The following ROR1 variants were observed in gnomAD, a reference collection of about 807,000 sequenced individuals.
ROR1 encodes the protein inactive tyrosine-protein kinase transmembrane receptor ROR1.
A neutral mutation model predicts 78.8 loss-of-function variants in ROR1; 19 were observed. The ratio of observed to expected loss-of-function variants is 0.24; its 90% CI spans 0.17 to 0.35. The LOEUF (loss-of-function observed/expected upper bound fraction) is 0.35, where lower values mean the gene tolerates loss of function less well. ROR1 is among the 10% of genes least tolerant of loss of function. The probability of loss-of-function intolerance (pLI) is 1.00; values close to 1 mark genes in which losing one functional copy is unlikely to be tolerated. For synonymous variants in ROR1, 386 were observed against 433.6 expected (o/e 0.89, Z 1.36); for missense variants, 917 against 1,177.8 (o/e 0.78, Z 3.24).
chr1:64,021,453 T>C (rs1004677561), intron 2 of ROR1, among the ~76,000 whole-genome samples: 4 of 152,134 alleles, frequency 2.6e-5, no homozygotes, highest in Non-Finnish European at 4.4e-5. Context: ...TCTGGTGGAG[T>C]TAGCAAATCC....
At chr1:63,960,903 A>G (rs1045929750) in intron 1 of ROR1, among the ~76,000 whole-genome samples, 6 of 152,204 alleles carry the variant, frequency 3.9e-5, no homozygotes, top group African/African-American at 1.4e-4. Context: ...TGTGTTGAGG[A>G]GGGAGTCTGA....
At chr1:63,888,537 C>G (rs1265280973) in intron 1 of ROR1, among the ~76,000 whole-genome samples, 1 of 152,004 alleles carries the variant, frequency 6.6e-6, no homozygotes, top group Non-Finnish European at 1.5e-5. Flanking sequence ...ACAGGAGGAT[C>G]AGTTGAGCTC....
chr1:64,073,161 A>G (rs1394858813), intron 4 of ROR1, among the ~76,000 whole-genome samples: 2 of 151,954 alleles, frequency 1.3e-5, no homozygotes, highest in African/African-American at 4.8e-5. Flanking sequence ...TCCTCTATGT[A>G]AATTTGTTTT....
chr1:64,043,651 A>G (rs1003590127), intron 2 of ROR1, among the ~76,000 whole-genome samples: 3 of 152,178 alleles, frequency 2.0e-5, no homozygotes, highest in African/African-American at 7.2e-5. Context: ...AGTTCAGGTT[A>G]TGAGTGGTGC....
chr1:64,160,058 GT>G (rs372051741), intron 8 of ROR1, among the ~76,000 whole-genome samples: 4 of 150,952 alleles, frequency 2.6e-5, no homozygotes, highest in South Asian at 2.1e-4. Flanking sequence ...CTAACAGCCT[GT>G]TTTTTTTTCT....
chr1:63,801,410 T>G (rs775303876), intron 1 of ROR1, among the ~76,000 whole-genome samples: 44 of 152,248 alleles, frequency 2.9e-4, no homozygotes, highest in Middle Eastern at 3.4e-3. Flanking sequence ...TTCTCCTGCC[T>G]CAGCCTCCTG....
intron 1 of ROR1, among the ~76,000 whole-genome samples, chr1:63,981,299 C>T (rs185746140): frequency 2.9e-3 from 434 of 152,200 alleles, no homozygotes; most frequent in Middle Eastern, 0.017. Context: ...TAACAGCCTC[C>T]TCAGCTCCTG....
chr1:63,942,961 G>A (rs531726900), intron 1 of ROR1, among the ~76,000 whole-genome samples: 1 of 151,886 alleles, frequency 6.6e-6, no homozygotes, highest in South Asian at 2.1e-4. Flanking sequence ...ATGGTGGAGC[G>A]TGACGATTGT....
rs373417776 is a variant in ROR1, at chr1:63,829,039, G to T, written c.91+54531G>T. ...CTGATATATTGACTTATTTATTTGG[G>T]AATGTGAGCTCCACCAGGACAGGTG... On this transcript the variant is annotated intron_variant, in intron 1 of 8. Coordinates refer to ENST00000371079, the MANE Select transcript of ROR1 (RefSeq NM_005012.4). 1.6e-4 allele frequency among the ~76,000 whole-genome samples: 25 copies of T among 152,262 alleles called. 2 individuals are homozygous for T. Among genetic ancestry groups the T allele is most frequent in the Admixed American group, 9.8e-4 (15 of 15,302 alleles).
intron 1 of ROR1, among the ~76,000 whole-genome samples, chr1:63,873,334 G>T (rs1645263667): frequency 6.6e-6 from 1 of 152,094 alleles, no homozygotes; most frequent in Non-Finnish European, 1.5e-5. Context: ...TTTTCTTGTT[G>T]TTGTTGGGAG....
At chr1:64,058,030 G>A (rs773943264) in intron 4 of ROR1, among the ~76,000 whole-genome samples, 5 of 152,146 alleles carry the variant, frequency 3.3e-5, no homozygotes, top group African/African-American at 7.2e-5. Flanking sequence ...GTAGATTTTG[G>A]TGTGCAAGTC....
chr1:64,055,247 G>A (rs931652282), intron 4 of ROR1, among the ~76,000 whole-genome samples: 2 of 152,208 alleles, frequency 1.3e-5, no homozygotes, highest in African/African-American at 4.8e-5. Context: ...AGCGCTGGTT[G>A]GAATATAATG....
At chr1:64,058,395 G>GTT (rs1042844288) in intron 4 of ROR1, among the ~76,000 whole-genome samples, 1 of 147,002 alleles carries the variant, frequency 6.8e-6, no homozygotes, top group Admixed American at 6.8e-5. Flanking sequence ...TGGACATCCT[G>GTT]TTTTTTTTTT....
intron 1 of ROR1, among the ~76,000 whole-genome samples, chr1:63,833,288 G>A (rs576813426): frequency 2.0e-5 from 3 of 152,338 alleles, no homozygotes; most frequent in South Asian, 4.1e-4. Flanking sequence ...AGTGTTAAGT[G>A]AAATGGACTG....
intron 1 of ROR1, among the ~76,000 whole-genome samples, chr1:63,812,310 C>T (rs1396980307): frequency 1.3e-5 from 2 of 152,176 alleles, no homozygotes; most frequent in Non-Finnish European, 2.9e-5. Context: ...ACACATTCAC[C>T]CACATGCATT....
At chr1:63,809,472 G>A (rs1644847847) in intron 1 of ROR1, among the ~76,000 whole-genome samples, 1 of 152,188 alleles carries the variant, frequency 6.6e-6, no homozygotes. Flanking sequence ...CTTCCAAATT[G>A]GGTTTAAATT....
rs141531802 is a variant in ROR1 at position 64,004,582 on chromosome 1, C to T, written c.92-4723C>T. On this transcript the variant is annotated intron_variant, in intron 1 of 8. Transcript: ENST00000371079. ...GCTGGCCGCTGGTCTTGTGAGTATG[C>T]GCATGCCTGTGTAACCTCACGCATC... 3.2e-4 allele frequency among the ~76,000 whole-genome samples: 48 copies of T among 152,322 alleles called. 2 individuals are homozygous for T. The highest frequency in any genetic ancestry group is 1.0e-3 in the African/African-American group (42 of 41,574).
chr1:63,828,974 A>G (rs1048115317), intron 1 of ROR1, among the ~76,000 whole-genome samples: 1 of 152,140 alleles, frequency 6.6e-6, no homozygotes, highest in Admixed American at 6.5e-5. Context: ...TTATTTTTCC[A>G]TCATATCATC....
Position 63,927,660 on chromosome 1 carries a change from A to G in ROR1, c.92-81645A>G, listed in dbSNP as rs538589572. Among the ~76,000 whole-genome samples the G allele has an allele frequency of 1.3e-3, 191 of 152,218 alleles. 1 individual carries two copies. The highest frequency in any genetic ancestry group is 2.3e-3 in the Non-Finnish European group (159 of 68,030). ...GAGGAACCTGTGGCTCATGGAAATA[A>G]GGTGAATTGTTCATATTCACACCAC... On this transcript the variant is annotated intron_variant, in intron 1 of 8. Coordinates refer to ENST00000371079, the MANE Select transcript of ROR1 (RefSeq NM_005012.4).
Sources: gnomAD v4.1 joint callset for allele counts (sites outside exome capture counted in the v4.1 genomes callset) on GRCh38, gnomAD v4.1.1 for gene constraint, MANE v1.5 for transcripts, NCBI Gene and HGNC (gene_info 2026-07-23, HGNC 2026-07-21) for gene names.